The following TP63 variants were observed in gnomAD, a reference collection of about 807,000 sequenced individuals.
TP63 encodes tumor protein 63.
In TP63, 17 loss-of-function variants were observed where a neutral mutation model predicts 82.8. The observed-to-expected ratio is 0.21, with a 90% CI of 0.14 to 0.31. The LOEUF (loss-of-function observed/expected upper bound fraction) is 0.31. Ranked by LOEUF, TP63 falls within the 10% of genes least tolerant of loss-of-function variation. The pLI is 1.00. For missense variants in TP63, 648 were observed against 895.3 expected (o/e 0.72, Z 3.52); for synonymous variants, 330 against 321.7 (o/e 1.03, Z -0.28).
intron 1 of TP63, among the ~76,000 whole-genome samples, chr3:189,632,000 C>T (rs1729489964): frequency 6.6e-6 from 1 of 152,094 alleles, no homozygotes; most frequent in Non-Finnish European, 1.5e-5. Context: ...TTGTACCAAA[C>T]AGATTGTGGC....
intron 4 of TP63, among the ~76,000 whole-genome samples, chr3:189,820,070 T>C (rs917565168): frequency 6.6e-6 from 1 of 152,196 alleles, no homozygotes; most frequent in African/African-American, 2.4e-5. Flanking sequence ...TTATCTATTG[T>C]CAATGACTAC....
At chr3:189,632,781 A>G (rs1295088897) in intron 1 of TP63, among the ~76,000 whole-genome samples, 1 of 152,132 alleles carries the variant, frequency 6.6e-6, no homozygotes, top group East Asian at 1.9e-4. Context: ...ATGTTCTTGT[A>G]TAATGTGAAA....
chr3:189,792,443 G>C (rs1001078704), intron 3 of TP63, among the ~76,000 whole-genome samples: 1 of 152,036 alleles, frequency 6.6e-6, no homozygotes, highest in Non-Finnish European at 1.5e-5. Context: ...AAACTGGGCT[G>C]TGTGTGTGGT....
intron 1 of TP63, among the ~76,000 whole-genome samples, chr3:189,725,096 C>A (rs973184487): frequency 9.9e-5 from 15 of 151,770 alleles, no homozygotes; most frequent in African/African-American, 3.1e-4. Context: ...GGTGTTATAC[C>A]TCATTGTGAA....
intron 3 of TP63, among the ~76,000 whole-genome samples, chr3:189,798,754 C>G (rs1293512223): frequency 6.6e-6 from 1 of 152,020 alleles, no homozygotes; most frequent in Non-Finnish European, 1.5e-5. Context: ...ACGTGGTATT[C>G]CAACTTTTGG....
chr3:189,853,705 AG>A (rs1449757466), intron 4 of TP63, among the ~76,000 whole-genome samples: 1 of 152,232 alleles, frequency 6.6e-6, no homozygotes, highest in Non-Finnish European at 1.5e-5. Flanking sequence ...TATCTGACAT[AG>A]TAGTTATTTG....
chr3:189,712,561 C>CT (rs1718671431), intron 1 of TP63, among the ~76,000 whole-genome samples: 1 of 151,932 alleles, frequency 6.6e-6, no homozygotes, highest in African/African-American at 2.4e-5. Flanking sequence ...TCTTTGAGGC[C>CT]TTTTTTACAA....
At chr3:189,759,535 G>A (rs1435257678) in intron 3 of TP63, among the ~76,000 whole-genome samples, 1 of 152,256 alleles carries the variant, frequency 6.6e-6, no homozygotes, top group East Asian at 1.9e-4. Context: ...TACATTTTAG[G>A]GAGATGTAAG....
At chr3:189,602,309 A>G in the TP63 span, among the ~76,000 whole-genome samples, 31 of 152,230 alleles carry the variant, frequency 2.0e-4, no homozygotes, top group African/African-American at 7.5e-4. Flanking sequence ...AGGGCTGGCC[A>G]CAGTGTGTAT....
chr3:189,879,349 G>T (rs1019309707), intron 10 of TP63, among the ~76,000 whole-genome samples: 5 of 152,140 alleles, frequency 3.3e-5, no homozygotes, highest in Non-Finnish European at 7.3e-5. Flanking sequence ...GCATCCTCGT[G>T]GTGTAAATAA....
At chr3:189,733,301 T>C (rs1006665669) in intron 1 of TP63, among the ~76,000 whole-genome samples, 2 of 152,248 alleles carry the variant, frequency 1.3e-5, no homozygotes, top group African/African-American at 4.8e-5. Context: ...CTTCCTTCTA[T>C]GTAACACTCT....
rs749041260 is a variant in TP63 at position 189,866,789 on chromosome 3, C to G, written c.874C>G (p.Pro292Ala). The stretch of plus-strand genomic sequence containing the variant: ...ACAGAGTGTGCTGGTACCTTATGAG[C>G]CACCCCAGGTAAAAAGCAAAAAACC... ...GRQSVLVPYE[P>A]PQVGTEFTTV... is the part of the protein sequence containing the mutation. The change falls in exon 6 of 14, where the codon CCA becomes GCA. Residue 292 changes from proline to alanine, a missense_variant. Transcript: ENST00000264731. 29 of 1,613,978 alleles carry G rather than the reference C, an allele frequency of 1.8e-5. No homozygotes were observed. The highest frequency in any genetic ancestry group is 4.0e-5 in the African/African-American group (3 of 75,008).
chr3:189,742,648 A>G (rs1721084035), intron 3 of TP63, among the ~76,000 whole-genome samples: 1 of 152,224 alleles, frequency 6.6e-6, no homozygotes, highest in Non-Finnish European at 1.5e-5. Context: ...TACATCTTAT[A>G]TAATCCAAGA....
the TP63 span, among the ~76,000 whole-genome samples, chr3:189,625,042 A>G: frequency 6.6e-6 from 1 of 152,220 alleles, no homozygotes; most frequent in African/African-American, 2.4e-5. Flanking sequence ...CTCTTGAGGT[A>G]AAAGGTGATG....
rs957385454 is a variant in TP63 at position 189,738,902 on chromosome 3, T to A, written c.324+128T>A. On this transcript the variant is annotated intron_variant, in intron 3 of 13. Coordinates refer to ENST00000264731, the MANE Select transcript of TP63 (RefSeq NM_003722.5). ...GGCCAAGGCCTTTGGGAAGAGAGTC[T>A]ATGTTGTTAGCTGAGAGAAGATTTG... The A allele has an allele frequency of 9.6e-5, 131 of 1,370,406 alleles. No homozygotes were observed. In the African/African-American group the frequency reaches 1.7e-3, roughly 18 times the overall value. The allele number at this position is 1,370,406 out of a possible 1,614,324, so 84.9% of individuals were successfully genotyped here.
In TP63 at chr3:189,810,716, C is replaced by T. The variant is rs191585818; in HGVS notation, c.579+2190C>T. Among the ~76,000 whole-genome samples, 155 of 151,906 alleles carry T rather than the reference C, an allele frequency of 1.0e-3. 1 individual carries two copies. The highest frequency in any genetic ancestry group is 3.5e-3 in the African/African-American group (146 of 41,452). ...ACTAAAAATACAAAAATTAGCCAGA[C>T]GTGGTGGTGGGTGCCTGTAGTCTCA... On this transcript the variant is annotated intron_variant, in intron 4 of 13. Transcript: ENST00000264731.
intron 1 of TP63, among the ~76,000 whole-genome samples, chr3:189,668,297 TTAAA>T (rs1437394794): frequency 3.3e-5 from 5 of 151,858 alleles, no homozygotes; most frequent in African/African-American, 9.7e-5. Flanking sequence ...ATTGAAAAAA[TTAAA>T]TAAATAAAAA....
chr3:189,824,031 C>G (rs1395608506), intron 4 of TP63, among the ~76,000 whole-genome samples: 15 of 151,982 alleles, frequency 9.9e-5, no homozygotes, highest in Non-Finnish European at 1.5e-5. Context: ...AGCCTAATAG[C>G]CCCCCAAACC....
chr3:189,875,589 CATACATATATATATAT>C (rs1198527857), intron 10 of TP63, among the ~76,000 whole-genome samples: 626 of 44,408 alleles, frequency 0.014, 51 homozygotes, highest in South Asian at 0.021. Context: ...AAAAAAAATA[CATACATATATATATAT>C]ATATATATAT....
Sources: gnomAD v4.1 joint callset for allele counts (sites outside exome capture counted in the v4.1 genomes callset) on GRCh38, gnomAD v4.1.1 for gene constraint, MANE v1.5 for transcripts, NCBI Gene and HGNC (gene_info 2026-07-23, HGNC 2026-07-21) for gene names.